RARS1: variants seen among roughly 807,000 people sequenced by gnomAD.
RARS1 encodes arginine--tRNA ligase, cytoplasmic.
Under a neutral mutation model 78.7 loss-of-function variants are expected in RARS1, and 75 were observed. That is an observed-to-expected ratio of 0.95 (90% confidence interval 0.79 to 1.15). The LOEUF (loss-of-function observed/expected upper bound fraction) is 1.15. Ranked by LOEUF, RARS1 falls within the 50% of genes most tolerant of loss-of-function variation. The pLI is 0.00. For synonymous variants in RARS1, 273 were observed against 268.2 expected, an observed-to-expected ratio of 1.02 and a Z score of -0.18; for missense variants, 787 against 787.5, an observed-to-expected ratio of 1.00 and a Z score of 0.01.
intron 7 of RARS1, among the ~76,000 whole-genome samples, chr5:168,500,266 G>A (rs917860057): frequency 2.6e-5 from 4 of 151,108 alleles, no homozygotes; most frequent in African/African-American, 7.3e-5. Context: ...ATGGAGATTG[G>A]AACACAGAAA....
chr5:168,508,060 CTTA>C (rs1433489873), intron 11 of RARS1, among the ~76,000 whole-genome samples: 5 of 151,936 alleles, frequency 3.3e-5, no homozygotes, highest in Non-Finnish European at 7.4e-5. Flanking sequence ...ACACTAAGTC[CTTA>C]TTATAGTGTT....
chr5:168,509,220 G>C (rs1758513303), intron 11 of RARS1, among the ~76,000 whole-genome samples: 1 of 152,196 alleles, frequency 6.6e-6, no homozygotes, highest in African/African-American at 2.4e-5. Context: ...CACTTAAGAA[G>C]AAGTGTATGG....
At chr5:168,502,323 T>TCTTTCTGCC (rs1359253997) in intron 9 of RARS1, among the ~76,000 whole-genome samples, 1 of 149,822 alleles carries the variant, frequency 6.7e-6, no homozygotes, top group African/African-American at 2.4e-5. Context: ...AACAGGACCT[T>TCTTTCTGCC]CTTTCTGCCC....
intron 11 of RARS1, among the ~76,000 whole-genome samples, chr5:168,508,504 C>CA (rs1045893316): frequency 6.6e-6 from 1 of 150,672 alleles, no homozygotes; most frequent in Non-Finnish European, 1.5e-5. Flanking sequence ...CCTGTAGTCC[C>CA]AGTTACTCGG....
intron 7 of RARS1, among the ~76,000 whole-genome samples, chr5:168,499,291 G>A (rs1438516309): frequency 6.6e-6 from 1 of 151,934 alleles, no homozygotes; most frequent in Non-Finnish European, 1.5e-5. Context: ...CAACCTCAGT[G>A]ACAGAGTGAG....
chr5:168,508,528 GA>G (rs1758495530), intron 11 of RARS1, among the ~76,000 whole-genome samples: 1 of 149,448 alleles, frequency 6.7e-6, no homozygotes, highest in African/African-American at 2.5e-5. Context: ...GCTGAGGCAG[GA>G]GAATGGTGTA....
intron 12 of RARS1, among the ~76,000 whole-genome samples, chr5:168,514,799 T>G (rs1340730104): frequency 6.6e-6 from 1 of 152,242 alleles, no homozygotes; most frequent in Admixed American, 6.5e-5. Flanking sequence ...TTAGTTATCA[T>G]GTCTCCTTCT....
chr5:168,493,000 A>G, intron 3 of RARS1, 153 bp downstream of exon 3: 1 of 705,844 alleles, frequency 1.4e-6, no homozygotes, highest in Non-Finnish European at 2.2e-6. Flanking sequence ...TTGGGGGGGT[A>G]TATGTTTTAA....
Position 168,494,538 on chromosome 5 carries a change from T to G in RARS1, c.479-12T>G. On this transcript the variant is annotated splice_polypyrimidine_tract_variant and intron_variant, in intron 4 of 14. Coordinates refer to ENST00000231572, the MANE Select transcript of RARS1 (RefSeq NM_002887.4). ...AGACAGTATCTGATATTTTTTCTCT[T>G]CTATCCATTAGGTTTTATTAATGTC... The G allele has an allele frequency of 6.2e-7, 1 of 1,605,960 alleles. No individual in the cohort carries two copies.
intron 7 of RARS1, chr5:168,498,178 C>G (rs1758238614): frequency 6.6e-6 from 1 of 151,942 alleles, no homozygotes; most frequent in South Asian, 2.1e-4. Context: ...CTGCAGTGTG[C>G]CATGATCATG....
At chr5:168,488,159 G>A (rs761767178) in intron 1 of RARS1, 42 of 365,182 alleles carry the variant, frequency 1.2e-4, no homozygotes, top group African/African-American at 3.5e-4. Flanking sequence ...ACAGAGTCTC[G>A]CTCTGTCAAG....
At chr5:168,513,317 C>T (rs530555206) in intron 12 of RARS1, among the ~76,000 whole-genome samples, 17 of 150,990 alleles carry the variant, frequency 1.1e-4, no homozygotes, top group South Asian at 2.1e-4. Context: ...CCACCGTGCC[C>T]GGCCTCTTTC....
intron 1 of RARS1, among the ~76,000 whole-genome samples, chr5:168,487,018 A>C (rs1468849607): frequency 6.6e-6 from 1 of 152,110 alleles, no homozygotes; most frequent in Non-Finnish European, 1.5e-5. Context: ...AGACCAGCGG[A>C]GCTTGCTCTG....
chr5:168,494,842 C>T (rs1191269759), intron 5 of RARS1, 192 bp downstream of exon 5: 2 of 477,184 alleles, frequency 4.2e-6, no homozygotes, highest in African/African-American at 2.0e-5. Context: ...TGGGCAGTAT[C>T]ATGAGACTTC....
intron 1 of RARS1, 128 bp from the exon 2 acceptor site, chr5:168,488,474 A>C: frequency 1.8e-6 from 2 of 1,092,750 alleles, no homozygotes; most frequent in Non-Finnish European, 2.6e-6. Context: ...CAAAAATCTC[A>C]GAGGAGAAAG....
chr5:168,489,961 T>C (rs1189907353), intron 2 of RARS1, among the ~76,000 whole-genome samples: 1 of 151,776 alleles, frequency 6.6e-6, no homozygotes, highest in Non-Finnish European at 1.5e-5. Context: ...ATTACAGGCA[T>C]GCACCACCAC....
In RARS1 at chr5:168,494,669, A is replaced by G. The variant is rs377040564; in HGVS notation, c.579+19A>G. On this transcript the variant is annotated intron_variant, in intron 5 of 14. Transcript: ENST00000231572. Reference sequence around the variant, plus strand: ...TAAAAAGGTATATGTACACTCTTCTATTAATATATTAGTATCTTAGAACTG... The same window carrying G: ...TAAAAAGGTATATGTACACTCTTCTGTTAATATATTAGTATCTTAGAACTG... 1 of 1,460,856 alleles carries G rather than the reference A, an allele frequency of 6.8e-7. No homozygotes were observed. The highest frequency in any genetic ancestry group is 1.1e-5 in the South Asian group (1 of 87,768). 90.5% of individuals were successfully genotyped at this position (1,460,856 alleles called of 1,614,324 possible). A position where few individuals can be genotyped will look rare whatever the true frequency, so the allele number is the denominator to read the frequency against.
Position 168,510,671 on chromosome 5 carries a change from A to G in RARS1, c.1437A>G (p.Glu479=). The change falls in exon 12 of 15, where the codon GAA becomes GAG. Residue 479 remains glutamate (E), a synonymous_variant. Transcript: ENST00000231572. ...AACGATCCATGGACAAGTTGAAGGA[A>G]AAAGAAAGAGACAAGGTAATTCAAA... The part of the protein sequence containing the change: ...GLKRSMDKLK[E]KERDKVLTAE... 1 of 1,605,442 alleles carries G rather than the reference A, an allele frequency of 6.2e-7. No individual in the cohort carries two copies. Among genetic ancestry groups the G allele is most frequent in the South Asian group, 1.1e-5 (1 of 89,192 alleles).
At chr5:168,509,583 A>G (rs190178935) in intron 11 of RARS1, among the ~76,000 whole-genome samples, 70 of 152,112 alleles carry the variant, frequency 4.6e-4, no homozygotes, top group Non-Finnish European at 7.6e-4. Context: ...TGCTTTTGCC[A>G]TATCCGTAGT....
Sources: gnomAD v4.1 joint callset for allele counts (sites outside exome capture counted in the v4.1 genomes callset) on GRCh38, gnomAD v4.1.1 for gene constraint, MANE v1.5 for transcripts, NCBI Gene and HGNC (gene_info 2026-07-23, HGNC 2026-07-21) for gene names.